PDE4D: variants seen among roughly 807,000 people sequenced by gnomAD.
PDE4D encodes the protein phosphodiesterase 4D, also known as 3',5'-cyclic-AMP phosphodiesterase 4D.
Under a neutral mutation model 87.4 loss-of-function variants are expected in PDE4D, and 24 were observed. The observed-to-expected ratio is 0.27, with a 90% confidence interval of 0.20 to 0.39. The LOEUF (loss-of-function observed/expected upper bound fraction) is 0.39. Among genes scored for constraint, PDE4D ranks in the 10% least tolerant of loss-of-function variants. The pLI is 1.00. For synonymous variants in PDE4D, 384 were observed against 383.2 expected, an observed-to-expected ratio of 1.00 and a Z score of -0.02; for missense variants, 714 against 1,041.0, an observed-to-expected ratio of 0.69 and a Z score of 4.32.
intron 1 of PDE4D, among the ~76,000 whole-genome samples, chr5:59,237,893 G>T (rs2061282): frequency 6.6e-6 from 1 of 151,698 alleles, no homozygotes; most frequent in African/African-American, 2.4e-5. Context: ...TTATATGTTT[G>T]CTTCTTAATT....
At chr5:59,401,478 A>ATCTATCTATCTATCTGTCTGTCTG (rs1554161243) in intron 1 of PDE4D, among the ~76,000 whole-genome samples, 1,612 of 150,976 alleles carry the variant, frequency 0.011, 10 homozygotes, top group African/African-American at 0.02. Context: ...CTATCTATCT[A>ATCTATCTATCTATCTGTCTGTCTG]TCTATCTATT....
intron 1 of PDE4D, chr5:60,460,197 A>G: frequency 6.6e-7 from 1 of 1,526,134 alleles, no homozygotes; most frequent in Non-Finnish European, 9.0e-7. Context: ...TTCCAGATGA[A>G]CATTTCATCA....
intron 1 of PDE4D, among the ~76,000 whole-genome samples, chr5:59,377,874 A>G (rs529653276): frequency 1.6e-4 from 24 of 152,200 alleles, no homozygotes; most frequent in Non-Finnish European, 3.2e-4. Context: ...CAGTGTGGCA[A>G]TTCCTCAAAG....
intron 1 of PDE4D, among the ~76,000 whole-genome samples, chr5:59,711,975 T>A (rs1754262120): frequency 6.6e-6 from 1 of 152,142 alleles, no homozygotes; most frequent in African/African-American, 2.4e-5. Flanking sequence ...TACAATTTCC[T>A]TTGCCAATTA....
At chr5:59,771,467 AAGAAAGAAAGAAAGAAAGAG>A (rs1443779752) in intron 1 of PDE4D, among the ~76,000 whole-genome samples, 21 of 72,974 alleles carry the variant, frequency 2.9e-4, no homozygotes, top group African/African-American at 1.2e-3. Flanking sequence ...GAAAGAAAGA[AAGAAAGAAAGAAAGAAAGAG>A]AGAGAGAGAG....
chr5:59,893,598 G>A lies in PDE4D; in HGVS notation c.25C>T (p.Pro9Ser), dbSNP rs754644349. The change falls in exon 1 of 15, where the codon CCG becomes TCG. Residue 9 changes from proline (P) to serine (S), a missense_variant. This residue lies in a region of PDE4D where 268 missense variants were observed against 272.9 expected (regional missense o/e 0.98). Transcript: ENST00000340635. MEAEGSSA[P>S]ARAGSGEGSD... ...CCCTCTCCGCTGCCCGCCCGGGCCGGCGCGCTGCTGCCCTCTGCCTCCATC... is the reference window on the plus strand; with the variant it reads ...CCCTCTCCGCTGCCCGCCCGGGCCGACGCGCTGCTGCCCTCTGCCTCCATC... 1 of 1,518,980 alleles carries A rather than the reference G, an allele frequency of 6.6e-7. No individual in the cohort carries two copies. Among genetic ancestry groups the A allele is most frequent in the Non-Finnish European group, 8.8e-7 (1 of 1,134,830 alleles). 94.1% of individuals were successfully genotyped at this position (1,518,980 alleles called of 1,614,324 possible). A position where few individuals can be genotyped will look rare whatever the true frequency, so the allele number is the denominator to read the frequency against.
intron 1 of PDE4D, among the ~76,000 whole-genome samples, chr5:60,390,378 T>G (rs1282064462): frequency 6.6e-6 from 1 of 152,114 alleles, no homozygotes; most frequent in Non-Finnish European, 1.5e-5. Flanking sequence ...TCTGGTTGAG[T>G]TTAGCGCAAC....
chr5:59,970,748 C>T lies in PDE4D; in HGVS notation c.272+17740G>A, dbSNP rs1182993818. Reference sequence around the variant, plus strand: ...ATGTGGAGAAATAGGAACACTTTTACACTGTTGGTGGGACTGTAAACTAGT... The same window carrying T: ...ATGTGGAGAAATAGGAACACTTTTATACTGTTGGTGGGACTGTAAACTAGT... On this transcript the variant is annotated intron_variant, in intron 3 of 16. Coordinates refer to the PDE4D transcript ENST00000502484. 2.0e-4 allele frequency among the ~76,000 whole-genome samples: 29 copies of T among 147,972 alleles called. 1 individual carries two copies. The highest frequency in any genetic ancestry group is 1.8e-3 in the Admixed American group (27 of 14,706).
intron 1 of PDE4D, among the ~76,000 whole-genome samples, chr5:59,691,867 TC>T (rs1008164678): frequency 1.3e-5 from 2 of 152,112 alleles, no homozygotes; most frequent in Admixed American, 6.6e-5. Flanking sequence ...TATAGGAAGT[TC>T]ATTTTATAAT....
intron 3 of PDE4D, among the ~76,000 whole-genome samples, chr5:59,900,285 C>T (rs910963400): frequency 3.0e-4 from 43 of 143,014 alleles, no homozygotes; most frequent in African/African-American, 1.0e-3. Flanking sequence ...CACACACACA[C>T]ACATATATAT....
intron 1 of PDE4D, among the ~76,000 whole-genome samples, chr5:59,464,629 C>T (rs950788744): frequency 3.9e-5 from 6 of 152,210 alleles, no homozygotes; most frequent in South Asian, 2.1e-4. Flanking sequence ...ATACGCTGAA[C>T]GCTGGTTCCC....
intron 1 of PDE4D, among the ~76,000 whole-genome samples, chr5:60,402,258 C>T (rs978637926): frequency 4.6e-5 from 7 of 152,192 alleles, no homozygotes; most frequent in South Asian, 4.1e-4. Context: ...GGAGGTTGTG[C>T]GACATACATG....
chr5:59,632,600 C>G lies in PDE4D; in HGVS notation c.455+260568G>C, dbSNP rs190378966. 1.1e-3 allele frequency among the ~76,000 whole-genome samples: 164 copies of G among 152,302 alleles called. 1 individual carries two copies. Among genetic ancestry groups the G allele is most frequent in the Non-Finnish European group, 1.6e-3 (109 of 68,020 alleles). On this transcript the variant is annotated intron_variant, in intron 1 of 14. Coordinates refer to ENST00000340635, the MANE Select transcript of PDE4D (RefSeq NM_001104631.2). ...GCTCTGCTAGTGATACCCAGGCAAA[C>G]AGGGTGTGGAGTGGACCTCCAGCAA...
chr5:59,518,299 T>C (rs1350210239), intron 1 of PDE4D, among the ~76,000 whole-genome samples: 1 of 152,030 alleles, frequency 6.6e-6, no homozygotes, highest in South Asian at 2.1e-4. Flanking sequence ...TGCTATTGTA[T>C]TTCTTTTGCT....
chr5:60,134,263 A>G lies in PDE4D; in HGVS notation c.42+51294T>C, dbSNP rs561030269. ...TGTAATCCCAGCACTTTAGGAGGCC[A>G]AGGCAGGAGGATCACTTGAGGCCAG... On this transcript the variant is annotated intron_variant, in intron 2 of 16. Coordinates refer to the PDE4D transcript ENST00000502484. Among the ~76,000 whole-genome samples the G allele has an allele frequency of 2.0e-5, 3 of 152,218 alleles. No homozygotes were observed. The East Asian group carries it at 5.8e-4, about 29-fold the overall frequency.
chr5:60,154,842 C>A (rs982836986), intron 2 of PDE4D, among the ~76,000 whole-genome samples: 3 of 152,176 alleles, frequency 2.0e-5, no homozygotes, highest in African/African-American at 7.2e-5. Flanking sequence ...AGTATGCATT[C>A]TTTTGTGCCT....
intron 1 of PDE4D, among the ~76,000 whole-genome samples, chr5:59,308,150 G>C (rs1771796153): frequency 7.1e-6 from 1 of 141,086 alleles, no homozygotes; most frequent in Admixed American, 7.6e-5. Flanking sequence ...TCATAGGTGG[G>C]AATTGAACAA....
At chr5:59,016,390 C>CT (rs35622981) in intron 6 of PDE4D, among the ~76,000 whole-genome samples, 6,285 of 78,622 alleles carry the variant, frequency 0.08, 340 homozygotes, top group East Asian at 0.11. Flanking sequence ...TCAGTCTGTT[C>CT]TTTTTTTTTT....
chr5:59,608,535 A>G (rs1828535857), intron 1 of PDE4D, among the ~76,000 whole-genome samples: 1 of 152,198 alleles, frequency 6.6e-6, no homozygotes, highest in African/African-American at 2.4e-5. Flanking sequence ...ATTTAATTGC[A>G]TAGGAGAACA....
Sources: gnomAD v4.1 joint callset for allele counts (sites outside exome capture counted in the v4.1 genomes callset) on GRCh38, gnomAD v4.1.1 for gene constraint, gnomAD v4.1.1 regional missense constraint, MANE v1.5 for transcripts, NCBI Gene and HGNC (gene_info 2026-07-23, HGNC 2026-07-21) for gene names.